SZT2: variants seen among roughly 807,000 people sequenced by gnomAD.
The protein encoded by SZT2 is KICSTOR complex protein SZT2.
Under a neutral mutation model 404.2 loss-of-function variants are expected in SZT2, and 216 were observed. That is an observed-to-expected ratio of 0.53 (90% CI 0.48 to 0.60). The LOEUF is 0.60. Among genes scored for constraint, SZT2 ranks in the 20% least tolerant of loss-of-function variants. The pLI, the probability that SZT2 is intolerant of heterozygous loss-of-function variation, is 0.00. For missense variants in SZT2, 3,857 were observed against 4,459.2 expected (o/e 0.86, Z 3.85); for synonymous variants, 1,693 against 1,749.9 (o/e 0.97, Z 0.81).
At position 43,441,486 on chromosome 1, in the gene SZT2, T is replaced by C. The variant is rs1439534466; in HGVS notation, c.7512-18T>C. Reference sequence around the variant, plus strand: ...GTGTCATGTATGGACATGAGGCTCTTACTCCCACTGTCTTCAGGCGCCGGA... The same window carrying C: ...GTGTCATGTATGGACATGAGGCTCTCACTCCCACTGTCTTCAGGCGCCGGA... On this transcript the variant is annotated intron_variant, in intron 53 of 71. Transcript: ENST00000634258. The surrounding 1 kb of genome is among the most constrained non-coding windows in gnomAD (Gnocchi z 4.8). The C allele has an allele frequency of 3.8e-5, 61 of 1,612,132 alleles. No individual in the cohort carries two copies. Among genetic ancestry groups the C allele is most frequent in the Non-Finnish European group, 4.2e-5 (49 of 1,179,078 alleles).
chr1:43,435,480 G>A, intron 42 of SZT2, 151 bp downstream of exon 42: 1 of 866,684 alleles, frequency 1.2e-6, no homozygotes, highest in South Asian at 2.0e-5. Context: ...GGACAGGAAA[G>A]GATCACTGGC....
chr1:43,423,286 T>C lies in SZT2; in HGVS notation c.2225T>C (p.Leu742Pro), dbSNP rs1652644380. 6 of 1,551,956 alleles carry C rather than the reference T, an allele frequency of 3.9e-6. 1 individual carries two copies. The highest frequency in any genetic ancestry group is 5.2e-6 in the Non-Finnish European group (6 of 1,158,074). The change falls in exon 15 of 72, where the codon CTG becomes CCG. Residue 742 changes from leucine to proline, a missense_variant. Around this residue, in one of 7 missense-constraint regions of SZT2, gnomAD observed 1,725 missense variants for 1,881.0 expected, o/e 0.92. Transcript: ENST00000634258. ...TCTGACCGGCCCTGCCTTGTGGTCCTGCATAAGCCACTGGACAAACTGCTC... is the reference window on the plus strand; with the variant it reads ...TCTGACCGGCCCTGCCTTGTGGTCCCGCATAAGCCACTGGACAAACTGCTC... ...ALSDRPCLVVLHKPLDKLLIR... is the reference protein window; with the variant it reads ...ALSDRPCLVVPHKPLDKLLIR...
At position 43,426,744 on chromosome 1, in the gene SZT2, G is replaced by C; in HGVS notation, c.3244G>C (p.Gly1082Arg). ...GAEGPLLGVH[G>R]IPKEQAVGST... ...CGAGGGGCCACTGCTGGGGGTTCAT[G>C]GGATCCCGAAGGAGCAAGCAGTCGG... The change falls in exon 23 of 72, where the codon GGG (glycine) becomes CGG (arginine). Residue 1082 changes from glycine to arginine, a missense_variant. By Grantham distance (125) the Gly-to-Arg change is moderately radical. Coordinates refer to ENST00000634258, the MANE Select transcript of SZT2 (RefSeq NM_001365999.1). This position sits in a 1 kb window ranked among gnomAD's most constrained non-coding sequence, Gnocchi z 4.9. 1 of 1,613,318 alleles carries C rather than the reference G, an allele frequency of 6.2e-7. No homozygotes were observed. Among genetic ancestry groups the C allele is most frequent in the Non-Finnish European group, 8.5e-7 (1 of 1,179,734 alleles).
intron 4 of SZT2, chr1:43,406,619 A>C (rs1186342674): frequency 2.0e-5 from 3 of 152,334 alleles, no homozygotes; most frequent in Non-Finnish European, 4.4e-5. Flanking sequence ...TGTAGACATA[A>C]GTGGGAGCTG....
rs575735489 is a variant in SZT2 at position 43,451,846 on chromosome 1, C to T, written c.*1366C>T. On this transcript the variant is annotated 3_prime_UTR_variant, in exon 72 of 72. Transcript: ENST00000634258. ...TTCCTACCTTCTGTAAGATGGCTGC[C>T]GCTGTAAGAGAAGCCAGGGAGGGGA... 6.6e-5 allele frequency: 107 copies of T among 1,613,990 alleles called. No individual in the cohort carries two copies. In the South Asian group the frequency reaches 6.7e-4, roughly 10 times the overall value.
Position 43,420,939 on chromosome 1 carries a change from G to A in SZT2, c.1452G>A (p.Leu484=), listed in dbSNP as rs1014453594. 6.3e-7 allele frequency: 1 copy of A among 1,598,352 alleles called. No individual in the cohort carries two copies. Among genetic ancestry groups the A allele is most frequent in the African/African-American group, 1.3e-5 (1 of 74,926 alleles). ...SCALRQPIRS[L]YRTHVIRRFW... is the part of the protein sequence containing the mutation. ...CACTAAGGCAGCCCATTCGTTCATT[G>A]TATCGTACCCATGTTATCCGGCGTT... The change falls in exon 10 of 72, where the codon TTG becomes TTA. Residue 484 remains leucine, a synonymous_variant. Coordinates refer to ENST00000634258, the MANE Select transcript of SZT2 (RefSeq NM_001365999.1). The surrounding 1 kb of genome is among the most constrained non-coding windows in gnomAD (Gnocchi z 5.1).
intron 1 of SZT2, among the ~76,000 whole-genome samples, chr1:43,402,901 A>C: frequency 6.6e-6 from 1 of 152,242 alleles, no homozygotes; most frequent in East Asian, 1.9e-4. Context: ...TCAAAAGCTT[A>C]TAGTTTATAG....
chr1:43,404,622 C>G, intron 4 of SZT2, 72 bp downstream of exon 4: 1 of 1,488,068 alleles, frequency 6.7e-7, no homozygotes, highest in East Asian at 2.3e-5. Flanking sequence ...AGTCCTTATC[C>G]TGTCTCTGCT....
Position 43,430,685 on chromosome 1 carries a change from G to A in SZT2, c.4670G>A (p.Ser1557Asn). The A allele has an allele frequency of 1.2e-6, 2 of 1,614,050 alleles. No individual in the cohort carries two copies. The highest frequency in any genetic ancestry group is 1.7e-6 in the Non-Finnish European group (2 of 1,180,032). The change falls in exon 32 of 72, where the codon AGC (serine) becomes AAC (asparagine). Residue 1557 changes from serine (S) to asparagine (N), a missense_variant. Around this residue, in one of 7 missense-constraint regions of SZT2, gnomAD observed 1,725 missense variants for 1,881.0 expected, o/e 0.92. Coordinates refer to ENST00000634258, the MANE Select transcript of SZT2 (RefSeq NM_001365999.1). Reference protein sequence around the residue: ...LGGDSPTGPESFLHDLPPLFL... With the variant: ...LGGDSPTGPENFLHDLPPLFL... ...GGCGACTCACCCACTGGGCCTGAGA[G>A]CTTCCTTCATGACCTGCCACCGCTC...
Position 43,453,547 on chromosome 1 carries a change from C to A in SZT2, c.*3067C>A, listed in dbSNP as rs546174796. 453 of 1,520,192 alleles carry A rather than the reference C, an allele frequency of 3.0e-4. 4 individuals carry two copies. The South Asian group carries it at 3.7e-3, about 12-fold the overall frequency. 94.2% of individuals were successfully genotyped at this position (1,520,192 alleles called of 1,614,324 possible). A position where few individuals can be genotyped will look rare whatever the true frequency, so the allele number is the denominator to read the frequency against. ...CCCGGCTCGGACACTCCCCTGCCCGCGCCCCGGCACCCCCCAGCCCTCCCA... is the reference window on the plus strand; with the variant it reads ...CCCGGCTCGGACACTCCCCTGCCCGAGCCCCGGCACCCCCCAGCCCTCCCA... On this transcript the variant is annotated 3_prime_UTR_variant, in exon 72 of 72. Coordinates refer to ENST00000634258, the MANE Select transcript of SZT2 (RefSeq NM_001365999.1).
rs1654789458 is a variant in SZT2, at chr1:43,439,176, CT to C, written c.6792+84del. The C allele has an allele frequency of 5.7e-6, 9 of 1,586,888 alleles. No individual in the cohort carries two copies. In the East Asian group the frequency reaches 9.0e-5, roughly 16 times the overall value. On this transcript the variant is annotated intron_variant, in intron 48 of 71. Transcript: ENST00000634258. This position sits in a 1 kb window ranked among gnomAD's most constrained non-coding sequence, Gnocchi z 4.2. Reference sequence around the variant, plus strand: ...CACTTACTCTTTCCTACCGATACCCCTATATGTACCTTTGCCCATGGACCTG... The same window carrying C: ...CACTTACTCTTTCCTACCGATACCCCATATGTACCTTTGCCCATGGACCTG...
chr1:43,409,452 C>A (rs906502391), intron 4 of SZT2: 3 of 384,026 alleles, frequency 7.8e-6, no homozygotes, highest in Non-Finnish European at 1.5e-5. Flanking sequence ...AAAGAAAGGT[C>A]ATCCAAACTG....
At chr1:43,392,570 A>T (rs1648527317) in intron 1 of SZT2, among the ~76,000 whole-genome samples, 1 of 152,160 alleles carries the variant, frequency 6.6e-6, no homozygotes, top group African/African-American at 2.4e-5. Flanking sequence ...GCCTGCTACC[A>T]TGCCCTGCTA....
Position 43,452,770 on chromosome 1 carries a change from T to G in SZT2, c.*2290T>G, listed in dbSNP as rs914181889. 15 of 869,982 alleles carry G rather than the reference T, an allele frequency of 1.7e-5. 1 individual carries two copies. The African/African-American group carries it at 2.2e-4, about 12-fold the overall frequency. 53.9% of individuals were successfully genotyped at this position (869,982 alleles called of 1,614,324 possible). On this transcript the variant is annotated 3_prime_UTR_variant, in exon 72 of 72. Coordinates refer to ENST00000634258, the MANE Select transcript of SZT2 (RefSeq NM_001365999.1). ...CTTGCCAGTTCCTTCTGAGCCTGTT[T>G]GGCCTCTGCAGGATTTGACATTTGA...
At chr1:43,433,900 TATC>T (rs1262390969) in intron 40 of SZT2, among the ~76,000 whole-genome samples, 1 of 152,238 alleles carries the variant, frequency 6.6e-6, no homozygotes, top group Non-Finnish European at 1.5e-5. Flanking sequence ...TTAATGTCCT[TATC>T]ATATGGGTGA....
At chr1:43,427,247 C>G in intron 24 of SZT2, 34 bp from the exon 25 acceptor site, 4 of 1,604,230 alleles carry the variant, frequency 2.5e-6, no homozygotes, top group Non-Finnish European at 3.4e-6. Context: ...ACTGGCCCAC[C>G]AGGCAGCTCT....
chr1:43,424,890 C>A lies in SZT2; in HGVS notation c.2550+28C>A. ...ACGTGCCATCCCCCATGACACCTCC[C>A]TGCCAAGGTCTGTCATAATCCCAGG... On this transcript the variant is annotated intron_variant, in intron 17 of 71. Coordinates refer to ENST00000634258, the MANE Select transcript of SZT2 (RefSeq NM_001365999.1). The surrounding 1 kb of genome is among the most constrained non-coding windows in gnomAD (Gnocchi z 4.1). 1 of 1,605,588 alleles carries A rather than the reference C, an allele frequency of 6.2e-7. No homozygotes were observed. The highest frequency in any genetic ancestry group is 8.5e-7 in the Non-Finnish European group (1 of 1,172,372).
chr1:43,451,833 G>T lies in SZT2; in HGVS notation c.*1353G>T. ...TGGAGGTTGGGTCTTCCTACCTTCT[G>T]TAAGATGGCTGCCGCTGTAAGAGAA... On this transcript the variant is annotated 3_prime_UTR_variant, in exon 72 of 72. Transcript: ENST00000634258. 6.2e-7 allele frequency: 1 copy of T among 1,614,066 alleles called. No homozygotes were observed. The highest frequency in any genetic ancestry group is 8.5e-7 in the Non-Finnish European group (1 of 1,179,976).
Position 43,439,064 on chromosome 1 carries a change from A to G in SZT2, c.6763A>G (p.Thr2255Ala), listed in dbSNP as rs1654769312. The change falls in exon 48 of 72, where the codon ACA becomes GCA. Residue 2255 changes from threonine (T) to alanine (A), a missense_variant. Transcript: ENST00000634258. The surrounding 1 kb of genome is among the most constrained non-coding windows in gnomAD (Gnocchi z 4.2). The part of the protein sequence containing the change: ...LLIFLHSPKY[T>A]DSNSRNHFQH... Reference sequence around the variant, plus strand: ...CATCTTCCTGCACTCTCCCAAGTACACAGATAGCAACAGCCGGAACCACTT... The same window carrying G: ...CATCTTCCTGCACTCTCCCAAGTACGCAGATAGCAACAGCCGGAACCACTT... The G allele has an allele frequency of 6.2e-7, 1 of 1,614,016 alleles. No individual in the cohort carries two copies. The highest frequency in any genetic ancestry group is 1.3e-5 in the African/African-American group (1 of 74,900).
Sources: gnomAD v4.1 joint callset for allele counts (sites outside exome capture counted in the v4.1 genomes callset) on GRCh38, gnomAD v4.1.1 for gene constraint, gnomAD v4.1.1 regional missense constraint, Gnocchi (gnomAD v3.1) non-coding constraint, MANE v1.5 for transcripts, NCBI Gene and HGNC (gene_info 2026-07-23, HGNC 2026-07-21) for gene names.